Variants in ADAMTS20 observed in about 807,000 individuals in gnomAD.
The protein encoded by ADAMTS20 is ADAM metallopeptidase with thrombospondin type 1 motif 20.
Under a neutral mutation model 260.1 loss-of-function variants are expected in ADAMTS20, and 225 were observed. That is an observed-to-expected ratio of 0.87 (90% CI 0.78 to 0.97). The LOEUF (loss-of-function observed/expected upper bound fraction) is 0.97, where lower values mean the gene tolerates loss of function less well. Among genes scored for constraint, ADAMTS20 ranks in the 50% least tolerant of loss-of-function variants. The pLI is 0.00. For synonymous variants in ADAMTS20, 802 were observed against 769.5 expected, an observed-to-expected ratio of 1.04 and a Z score of -0.70; for missense variants, 2,400 against 2,337.7, an observed-to-expected ratio of 1.03 and a Z score of -0.55.
At chr12:43,390,858 C>A (rs1249189165) in intron 29 of ADAMTS20, among the ~76,000 whole-genome samples, 1 of 152,148 alleles carries the variant, frequency 6.6e-6, no homozygotes. Flanking sequence ...GCACTATAGG[C>A]TTTTTCTAGC....
chr12:43,408,225 A>G (rs1940955960), intron 28 of ADAMTS20, among the ~76,000 whole-genome samples: 1 of 152,068 alleles, frequency 6.6e-6, no homozygotes, highest in South Asian at 2.1e-4. Context: ...TAAAAACTCC[A>G]CTCCCATCTT....
intron 11 of ADAMTS20, among the ~76,000 whole-genome samples, chr12:43,454,967 T>C (rs1447580019): frequency 1.3e-5 from 2 of 152,208 alleles, no homozygotes; most frequent in Admixed American, 6.5e-5. Flanking sequence ...TAGTGTTAGG[T>C]ATACTCATTG....
chr12:43,474,533 C>A lies in ADAMTS20; in HGVS notation c.1118-5828G>T, dbSNP rs1226777200. Among the ~76,000 whole-genome samples the A allele has an allele frequency of 5.2e-5, 6 of 114,888 alleles. No homozygotes were observed. In the Admixed American group the frequency reaches 5.8e-4, roughly 11 times the overall value. 75.4% of individuals were successfully genotyped at this position (114,888 alleles called of 152,430 possible). Reference sequence around the variant, plus strand: ...ATACCAAAGCTGGGCAGAGACACAACCAAAAAAGAGAATTTTAGACCAATA... The same window carrying A: ...ATACCAAAGCTGGGCAGAGACACAAACAAAAAAGAGAATTTTAGACCAATA... On this transcript the variant is annotated intron_variant, in intron 7 of 38. Transcript: ENST00000389420.
intron 2 of ADAMTS20, among the ~76,000 whole-genome samples, chr12:43,541,231 A>C (rs1257044476): frequency 6.6e-6 from 1 of 152,162 alleles, no homozygotes; most frequent in East Asian, 1.9e-4. Context: ...TATCATAAGA[A>C]TCAGTATGAT....
At chr12:43,543,578 C>T (rs7297255) in intron 2 of ADAMTS20, among the ~76,000 whole-genome samples, 3,972 of 152,250 alleles carry the variant, frequency 0.026, 107 homozygotes, top group East Asian at 0.14. Flanking sequence ...GAGAAGACTG[C>T]GTTATCCAGA....
intron 26 of ADAMTS20, 75 bp downstream of exon 26, chr12:43,428,166 T>C: frequency 7.1e-7 from 1 of 1,415,258 alleles, no homozygotes; most frequent in Non-Finnish European, 9.7e-7. Flanking sequence ...ACTGATGGCA[T>C]CATATACATA....
Position 43,468,650 on chromosome 12 carries a change from T to G in ADAMTS20, c.1173A>C (p.Glu391Asp). The G allele has an allele frequency of 6.2e-7, 1 of 1,611,632 alleles. No individual in the cohort carries two copies. The highest frequency in any genetic ancestry group is 8.5e-7 in the Non-Finnish European group (1 of 1,178,842). ...CDPLQSCFIN[E>D]EKGLISAFTI... ...TAAAAGCAGAAATGAGTCCTTTTTC[T>G]TCATTAATAAAGCAGCTTTGTAAAG... The change falls in exon 8 of 39, where the codon GAA (glutamate) becomes GAC (aspartate). Residue 391 changes from glutamate to aspartate, a missense_variant. Glu to Asp is a conservative substitution (Grantham distance 45). Coordinates refer to ENST00000389420, the MANE Select transcript of ADAMTS20 (RefSeq NM_025003.5).
chr12:43,405,416 TCTAATA>T (rs756430859), intron 28 of ADAMTS20, among the ~76,000 whole-genome samples: 72 of 70,030 alleles, frequency 1.0e-3, no homozygotes, highest in South Asian at 6.9e-3. Context: ...AGACGTCTTC[TCTAATA>T]ATAATAATAA....
At chr12:43,388,817 A>T (rs1403977775) in intron 29 of ADAMTS20, among the ~76,000 whole-genome samples, 7 of 152,104 alleles carry the variant, frequency 4.6e-5, no homozygotes, top group Non-Finnish European at 1.0e-4. Flanking sequence ...ACTTCCCACA[A>T]TTTTGGAGGC....
chr12:43,409,188 A>G (rs1940976034), intron 28 of ADAMTS20, among the ~76,000 whole-genome samples: 1 of 152,168 alleles, frequency 6.6e-6, no homozygotes, highest in Non-Finnish European at 1.5e-5. Flanking sequence ...AGAATGCAAG[A>G]CAAACCTTTT....
At chr12:43,459,101 A>C (rs774781267) in intron 11 of ADAMTS20, among the ~76,000 whole-genome samples, 1 of 152,066 alleles carries the variant, frequency 6.6e-6, no homozygotes. Flanking sequence ...TTTTCACTCT[A>C]TTAAATCTTG....
chr12:43,433,689 C>G, intron 19 of ADAMTS20: 1 of 352,144 alleles, frequency 2.8e-6, no homozygotes, highest in Non-Finnish European at 5.3e-6. Context: ...CGCACACACA[C>G]ACATGCACAC....
At chr12:43,455,173 T>C (rs938472267) in intron 11 of ADAMTS20, among the ~76,000 whole-genome samples, 2 of 152,222 alleles carry the variant, frequency 1.3e-5, no homozygotes, top group Non-Finnish European at 2.9e-5. Flanking sequence ...GACTGGCTTA[T>C]TTCACTTAGC....
rs188119019 is a variant in ADAMTS20, at chr12:43,370,963, T to C, written c.5447-1582A>G. Among the ~76,000 whole-genome samples, 65 of 152,346 alleles carry C rather than the reference T, an allele frequency of 4.3e-4. 1 individual carries two copies. The highest frequency in any genetic ancestry group is 8.3e-4 in the South Asian group (4 of 4,832). Reference sequence around the variant, plus strand: ...AATCATTTTTCATGGATACAATCTGTTCTGCCTCCAACCAACTCTATTCCT... The same window carrying C: ...AATCATTTTTCATGGATACAATCTGCTCTGCCTCCAACCAACTCTATTCCT... On this transcript the variant is annotated intron_variant, in intron 36 of 38. Coordinates refer to ENST00000389420, the MANE Select transcript of ADAMTS20 (RefSeq NM_025003.5).
intron 7 of ADAMTS20, among the ~76,000 whole-genome samples, chr12:43,478,534 A>C (rs2137408573): frequency 6.6e-6 from 1 of 152,278 alleles, no homozygotes; most frequent in South Asian, 2.1e-4. Context: ...GACTCATGAC[A>C]TAGCCCAAGC....
At chr12:43,445,635 A>G (rs897421490) in intron 15 of ADAMTS20, among the ~76,000 whole-genome samples, 1 of 151,874 alleles carries the variant, frequency 6.6e-6, no homozygotes, top group Non-Finnish European at 1.5e-5. Context: ...CCTTGAGGCT[A>G]GGAGTTTGAG....
intron 3 of ADAMTS20, among the ~76,000 whole-genome samples, chr12:43,513,748 C>T (rs1942956665): frequency 6.6e-6 from 1 of 152,036 alleles, no homozygotes; most frequent in South Asian, 2.1e-4. Context: ...ATGATGAGTT[C>T]GTGTCCTTTG....
At chr12:43,396,396 CA>C (rs1940703729) in intron 29 of ADAMTS20, among the ~76,000 whole-genome samples, 1 of 152,036 alleles carries the variant, frequency 6.6e-6, no homozygotes, top group Admixed American at 6.6e-5. Context: ...CGGAATAAAG[CA>C]ACAACCAGTG....
intron 24 of ADAMTS20, 53 bp from the exon 25 acceptor site, chr12:43,428,852 T>C: frequency 1.4e-6 from 2 of 1,470,722 alleles, no homozygotes; most frequent in Non-Finnish European, 1.8e-6. Flanking sequence ...ACCTCACCCA[T>C]GTCCCTTTTA....
Sources: gnomAD v4.1 joint callset for allele counts (sites outside exome capture counted in the v4.1 genomes callset) on GRCh38, gnomAD v4.1.1 for gene constraint, MANE v1.5 for transcripts, NCBI Gene and HGNC (gene_info 2026-07-23, HGNC 2026-07-21) for gene names.